The following PFKL variants were observed in gnomAD, a reference collection of about 807,000 sequenced individuals.
PFKL encodes the protein ATP-dependent 6-phosphofructokinase, liver type.
Under a neutral mutation model 92.1 loss-of-function variants are expected in PFKL, and 74 were observed. That is an observed-to-expected ratio of 0.80 (90% CI 0.67 to 0.97). The LOEUF (loss-of-function observed/expected upper bound fraction) is 0.97, where lower values mean the gene tolerates loss of function less well. Ranked by LOEUF, PFKL falls within the 50% of genes least tolerant of loss-of-function variation. The pLI is 0.00. For missense variants in PFKL, 1,028 were observed against 1,116.6 expected, an observed-to-expected ratio of 0.92 and a Z score of 1.13; for synonymous variants, 494 against 456.4, an observed-to-expected ratio of 1.08 and a Z score of -1.05.
At chr21:44,310,376 G>C (rs1225638989) in intron 2 of PFKL, among the ~76,000 whole-genome samples, 1 of 152,222 alleles carries the variant, frequency 6.6e-6, no homozygotes, top group Non-Finnish European at 1.5e-5. Context: ...CCCTGCCTGG[G>C]GTGTTGCCGG....
chr21:44,324,600 T>G lies in PFKL; in HGVS notation c.1760T>G (p.Val587Gly). ...GYLATVTGIA[V>G]GADAAYVFED... ...CTGGCCACCGTGACTGGCATTGCTGTGGGGGCCGACGCCGCCTACGTCTTC... is the reference window on the plus strand; with the variant it reads ...CTGGCCACCGTGACTGGCATTGCTGGGGGGGCCGACGCCGCCTACGTCTTC... The change falls in exon 17 of 22, where the codon GTG (valine) becomes GGG (glycine). Residue 587 changes from valine to glycine, a missense_variant. By Grantham distance (109) the Val-to-Gly change is moderately radical. Transcript: ENST00000349048. The G allele has an allele frequency of 6.2e-7, 1 of 1,612,256 alleles. No individual in the cohort carries two copies. Among genetic ancestry groups the G allele is most frequent in the South Asian group, 1.1e-5 (1 of 91,020 alleles).
At chr21:44,309,450 A>G (rs2041051532) in intron 2 of PFKL, among the ~76,000 whole-genome samples, 8 of 152,094 alleles carry the variant, frequency 5.3e-5, no homozygotes. Flanking sequence ...AGACGGAAAC[A>G]GAGTGGGTAG....
At position 44,316,537 on chromosome 21, in the gene PFKL, C is replaced by T. The variant is rs2047212129; in HGVS notation, c.936+13C>T. The T allele has an allele frequency of 1.3e-6, 2 of 1,577,998 alleles. No homozygotes were observed. Among genetic ancestry groups the T allele is most frequent in the Non-Finnish European group, 8.6e-7 (1 of 1,157,934 alleles). ...CGACCGGATCCTGGTAAGTGGCCAT[C>T]ACCCTGCCCTGCGTACGTGCGTGGG... is the stretch of plus-strand genomic sequence containing the variant. On this transcript the variant is annotated intron_variant, in intron 9 of 21. Transcript: ENST00000349048.
rs149598618 is a variant in PFKL at position 44,303,220 on chromosome 21, G to A, written c.85+3030G>A. ...GGCACTCTAGCCTGGGCGACAGAGC[G>A]AGACTCTGTTGCAAAAAACAAACAA... On this transcript the variant is annotated intron_variant, in intron 1 of 21. Coordinates refer to ENST00000349048, the MANE Select transcript of PFKL (RefSeq NM_002626.6). Among the ~76,000 whole-genome samples the A allele has an allele frequency of 2.0e-4, 29 of 148,152 alleles. No individual in the cohort carries two copies. The East Asian group carries it at 5.7e-3, about 29-fold the overall frequency.
At chr21:44,316,039 C>T in intron 7 of PFKL, 1 of 592,418 alleles carries the variant, frequency 1.7e-6, no homozygotes, top group Non-Finnish European at 3.0e-6. Context: ...TTCACCGCCT[C>T]CAGGAGGGCG....
At chr21:44,323,656 C>G (rs575109410) in intron 15 of PFKL, 110 bp from the exon 16 acceptor site, 1 of 1,199,676 alleles carries the variant, frequency 8.3e-7, no homozygotes, top group East Asian at 2.6e-5. Context: ...CAGCACGGGG[C>G]ACATGACAGG....
At chr21:44,308,328 A>G (rs2041012714) in intron 2 of PFKL, among the ~76,000 whole-genome samples, 1 of 152,172 alleles carries the variant, frequency 6.6e-6, no homozygotes, top group Non-Finnish European at 1.5e-5. Flanking sequence ...AAACATCCAC[A>G]TCTAAGAGGC....
At position 44,318,587 on chromosome 21, in the gene PFKL, G is replaced by A; in HGVS notation, c.1054G>A (p.Val352Met). Residue 352 changes from valine to methionine, a missense_variant, in exon 10 of 22, where the codon GTG (valine) becomes ATG (methionine). Val to Met is a conservative substitution (Grantham distance 21). Transcript: ENST00000349048. ...AGTGCGGCTGCCCCTCATGGAGTGC[G>A]TGCAGATGGTAAGCCCTGGGCCCCC... is the stretch of plus-strand genomic sequence containing the variant. ...QSVRLPLMEC[V>M]QMTKEVQKAM... is the part of the protein sequence containing the mutation. 2.6e-6 allele frequency: 4 copies of A among 1,516,430 alleles called. No homozygotes were observed. The highest frequency in any genetic ancestry group is 3.6e-6 in the Non-Finnish European group (4 of 1,121,430). 93.9% of individuals were successfully genotyped at this position (1,516,430 alleles called of 1,614,324 possible). A position where few individuals can be genotyped will look rare whatever the true frequency, so the allele number is the denominator to read the frequency against.
chr21:44,322,068 C>T, intron 13 of PFKL, 65 bp from the exon 14 acceptor site: 1 of 1,536,264 alleles, frequency 6.5e-7, no homozygotes, highest in Non-Finnish European at 8.8e-7. Context: ...GGGCACAGGC[C>T]CACCCCTGGG....
rs529340272 is a variant in PFKL, at chr21:44,307,203, C to G, written c.159+449C>G. Reference sequence around the variant, plus strand: ...AGCCTCCTGCCTCACCACCCAGACCCGGGGGGCAGCCGCTGGCAGCAGCTC... The same window carrying G: ...AGCCTCCTGCCTCACCACCCAGACCGGGGGGGCAGCCGCTGGCAGCAGCTC... On this transcript the variant is annotated intron_variant, in intron 2 of 21. Coordinates refer to ENST00000349048, the MANE Select transcript of PFKL (RefSeq NM_002626.6). 6.6e-4 allele frequency: 598 copies of G among 904,548 alleles called. 2 individuals carry two copies. The African/African-American group carries it at 0.01, about 16-fold the overall frequency. 56.0% of individuals were successfully genotyped at this position (904,548 alleles called of 1,614,324 possible).
At chr21:44,304,256 G>A in intron 1 of PFKL, 1 of 1,289,108 alleles carries the variant, frequency 7.8e-7, no homozygotes, top group Non-Finnish European at 1.0e-6. Context: ...TGATCCTGGG[G>A]CCCCTTTGCC....
chr21:44,321,478 C>T (rs1004672706), intron 12 of PFKL: 13 of 336,192 alleles, frequency 3.9e-5, no homozygotes, highest in Non-Finnish European at 6.9e-5. Context: ...CTCGCCCCTT[C>T]TGCCTCCTCT....
At chr21:44,317,041 A>G (rs2047228014) in intron 9 of PFKL, among the ~76,000 whole-genome samples, 2 of 152,126 alleles carry the variant, frequency 1.3e-5, no homozygotes, top group Admixed American at 1.3e-4. Flanking sequence ...GCTGGGAGGG[A>G]GCATTCGGGG....
At chr21:44,305,618 A>G (rs2040912067) in intron 1 of PFKL, among the ~76,000 whole-genome samples, 1 of 152,164 alleles carries the variant, frequency 6.6e-6, no homozygotes, top group Non-Finnish European at 1.5e-5. Context: ...GACCTCACTC[A>G]GAAGGGGACC....
intron 9 of PFKL, among the ~76,000 whole-genome samples, chr21:44,318,119 G>A (rs927787331): frequency 2.6e-5 from 4 of 152,260 alleles, no homozygotes; most frequent in Non-Finnish European, 5.9e-5. Context: ...GGGCCTCCAC[G>A]GGAGGATCCA....
At chr21:44,324,970 G>C in intron 18 of PFKL, 53 bp downstream of exon 18, 2 of 1,517,186 alleles carry the variant, frequency 1.3e-6, no homozygotes, top group Middle Eastern at 1.7e-4. Context: ...TCTCGGGGCT[G>C]GGGTGGGGCT....
intron 14 of PFKL, among the ~76,000 whole-genome samples, chr21:44,322,539 C>T (rs1194375100): frequency 2.6e-5 from 4 of 152,198 alleles, no homozygotes; most frequent in Non-Finnish European, 5.9e-5. Flanking sequence ...GGCTTTTGTC[C>T]CAGGGCCTGA....
chr21:44,324,401 GAC>G, intron 16 of PFKL, 88 bp from the exon 17 acceptor site: 2 of 1,397,578 alleles, frequency 1.4e-6, no homozygotes, highest in Non-Finnish European at 9.9e-7. Context: ...TGGCTTTGGA[GAC>G]ACAGGGCTCC....
intron 19 of PFKL, 50 bp from the exon 20 acceptor site, chr21:44,325,911 G>C: frequency 4.8e-6 from 7 of 1,452,962 alleles, no homozygotes; most frequent in Non-Finnish European, 6.7e-6. Flanking sequence ...GTTGGCCTTG[G>C]CCCAGGCAGC....
Sources: allele counts gnomAD v4.1 joint callset (sites outside exome capture counted in the v4.1 genomes callset), GRCh38; gene constraint gnomAD v4.1.1; transcripts MANE v1.5; gene names NCBI Gene and HGNC (gene_info 2026-07-23, HGNC 2026-07-21).